Variants in ERGIC3 observed in about 807,000 individuals in gnomAD.
The protein encoded by ERGIC3 is ERGIC and golgi 3, also known as endoplasmic reticulum-Golgi intermediate compartment protein 3.
Under a neutral mutation model 54.7 loss-of-function variants are expected in ERGIC3, and 33 were observed. That is an observed-to-expected ratio of 0.60 (90% CI 0.46 to 0.81). The LOEUF is 0.81. ERGIC3 is among the 30% of genes least tolerant of loss of function. ERGIC3 has a pLI of 0.00. For synonymous variants in ERGIC3, 186 were observed against 189.8 expected (o/e 0.98, Z 0.16); for missense variants, 399 against 488.4 (o/e 0.82, Z 1.73).
At chr20:35,552,897 A>G (rs2064688695) in intron 7 of ERGIC3, among the ~76,000 whole-genome samples, 1 of 151,894 alleles carries the variant, frequency 6.6e-6, no homozygotes, top group Admixed American at 6.6e-5. Context: ...TACAGGAGAG[A>G]GTGACAGGCA....
In ERGIC3 at chr20:35,542,894, G is replaced by C. The variant is rs1230626660; in HGVS notation, c.320G>C (p.Arg107Pro). Reference sequence around the variant, plus strand: ...GTGGAACACAACCTGTTCAAGCAACGACTAGATAAAGATGGCATCCCCGTG... The same window carrying C: ...GTGGAACACAACCTGTTCAAGCAACCACTAGATAAAGATGGCATCCCCGTG... ...LDVEHNLFKQ[R>P]LDKDGIPVSS... The change falls in exon 4 of 13, where the codon CGA becomes CCA. Residue 107 changes from arginine to proline, a missense_variant. By Grantham distance (103) the Arg-to-Pro change is moderately radical. Coordinates refer to ENST00000348547, the MANE Select transcript of ERGIC3 (RefSeq NM_015966.3). The C allele has an allele frequency of 1.2e-6, 2 of 1,614,058 alleles. No homozygotes were observed. Among genetic ancestry groups the C allele is most frequent in the Non-Finnish European group, 1.7e-6 (2 of 1,180,020 alleles).
chr20:35,553,019 G>GTTTTTTTTTTTTT (rs2064689546), intron 7 of ERGIC3, among the ~76,000 whole-genome samples: 32 of 12,618 alleles, frequency 2.5e-3, no homozygotes, highest in East Asian at 8.5e-3. Context: ...CAAAGCTGGG[G>GTTTTTTTTTTTTT]ATTTTTTTTT....
chr20:35,544,312 C>T (rs1181979314), intron 4 of ERGIC3: 1 of 201,508 alleles, frequency 5.0e-6, no homozygotes, highest in African/African-American at 2.4e-5. Flanking sequence ...CCTCAGCCTT[C>T]CAAAGTGCTG....
At chr20:35,551,395 G>A (rs532962698) in intron 7 of ERGIC3, among the ~76,000 whole-genome samples, 4 of 152,240 alleles carry the variant, frequency 2.6e-5, no homozygotes, top group Non-Finnish European at 5.9e-5. Context: ...CTGGTATTCG[G>A]CTTTTGACGT....
chr20:35,551,669 G>A (rs2064682603), intron 7 of ERGIC3, among the ~76,000 whole-genome samples: 2 of 152,240 alleles, frequency 1.3e-5, no homozygotes, highest in African/African-American at 4.8e-5. Flanking sequence ...GGAGACTGGA[G>A]GAGGAGTGTA....
At position 35,547,396 on chromosome 20, in the gene ERGIC3, T is replaced by C. The variant is rs1428136760; in HGVS notation, c.368-16T>C. On this transcript the variant is annotated splice_polypyrimidine_tract_variant and intron_variant, in intron 4 of 12. Transcript: ENST00000348547. ...TCTGGCCCCAGCTGATGCCTCTGCT[T>C]CTCCCCTCCCCTTAGAGCTTGGGAA... The C allele has an allele frequency of 6.2e-7, 1 of 1,611,718 alleles. No homozygotes were observed. Among genetic ancestry groups the C allele is most frequent in the Non-Finnish European group, 8.5e-7 (1 of 1,177,824 alleles).
At position 35,542,095 on chromosome 20, in the gene ERGIC3, C is replaced by G; in HGVS notation, c.-3C>G. On this transcript the variant is annotated 5_prime_UTR_variant, in exon 1 of 13. Coordinates refer to ENST00000348547, the MANE Select transcript of ERGIC3 (RefSeq NM_015966.3). ...GCTGGCGTCCCCTTTCCGGCCGGTCCCCATGGAGGCGCTGGGGAAGCTGAA... is the reference window on the plus strand; with the variant it reads ...GCTGGCGTCCCCTTTCCGGCCGGTCGCCATGGAGGCGCTGGGGAAGCTGAA... 1 of 1,535,750 alleles carries G rather than the reference C, an allele frequency of 6.5e-7. No individual in the cohort carries two copies. Among genetic ancestry groups the G allele is most frequent in the African/African-American group, 1.4e-5 (1 of 72,614 alleles).
chr20:35,544,988 A>G (rs997484723), intron 4 of ERGIC3: 4 of 151,874 alleles, frequency 2.6e-5, no homozygotes, highest in Non-Finnish European at 5.9e-5. Flanking sequence ...TTTTTGGTAG[A>G]GACAGGGTTT....
intron 7 of ERGIC3, chr20:35,549,432 C>A: frequency 2.9e-6 from 1 of 350,266 alleles, no homozygotes. Flanking sequence ...TTCATTTGTT[C>A]ATTCATGCAT....
At chr20:35,555,940 C>T in intron 8 of ERGIC3, 93 bp from the exon 9 acceptor site, 2 of 1,202,266 alleles carry the variant, frequency 1.7e-6, no homozygotes, top group East Asian at 4.7e-5. Context: ...CATAGCCTCC[C>T]CTTCCTCCCA....
chr20:35,549,898 A>T (rs1377655484), intron 7 of ERGIC3: 2 of 152,206 alleles, frequency 1.3e-5, no homozygotes, highest in African/African-American at 4.8e-5. Flanking sequence ...CGGCCTCCCA[A>T]AGTGCTAGGA....
chr20:35,542,309 C>A lies in ERGIC3; in HGVS notation c.89-14C>A. 1 of 1,614,070 alleles carries A rather than the reference C, an allele frequency of 6.2e-7. No homozygotes were observed. The highest frequency in any genetic ancestry group is 1.1e-5 in the South Asian group (1 of 91,080). ...GATTCGAGGCCATTCTGACCCTCGC[C>A]CCTTGTCCTGCAGTGACCATTGTCA... On this transcript the variant is annotated splice_polypyrimidine_tract_variant and intron_variant, in intron 1 of 12. Coordinates refer to ENST00000348547, the MANE Select transcript of ERGIC3 (RefSeq NM_015966.3).
Position 35,551,295 on chromosome 20 carries a change from A to G in ERGIC3, c.685+2430A>G, listed in dbSNP as rs189102966. 8.1e-3 allele frequency among the ~76,000 whole-genome samples: 1,228 copies of G among 150,712 alleles called. 4 individuals are homozygous for G. The highest frequency in any genetic ancestry group is 0.013 in the Admixed American group (198 of 15,162). ...AGCGACAGAGTGAGATTCCATCTCCATTAAAAAAAAAAAAAAGGATAGAGT... is the reference window on the plus strand; with the variant it reads ...AGCGACAGAGTGAGATTCCATCTCCGTTAAAAAAAAAAAAAAGGATAGAGT... On this transcript the variant is annotated intron_variant, in intron 7 of 12. Coordinates refer to ENST00000348547, the MANE Select transcript of ERGIC3 (RefSeq NM_015966.3).
intron 7 of ERGIC3, among the ~76,000 whole-genome samples, chr20:35,551,199 T>C (rs544180947): frequency 1.0e-3 from 153 of 150,692 alleles, no homozygotes; most frequent in South Asian, 1.9e-3. Flanking sequence ...GAGGCTGAGG[T>C]AGGAGAATTG....
rs199935905 is a variant in ERGIC3 at position 35,548,546 on chromosome 20, C to T, written c.499C>T (p.Arg167Cys). The change falls in exon 6 of 13, where the codon CGC (arginine) becomes TGC (cysteine). Residue 167 changes from arginine (R) to cysteine (C), a missense_variant. Physicochemically the swap from Arg to Cys is radical, Grantham distance 180. Transcript: ENST00000348547. Reference sequence around the variant, plus strand: ...CTGTGAAGATGTGCGGGAGGCATATCGCCGTAGAGGCTGGGCCTTCAAGAA... The same window carrying T: ...CTGTGAAGATGTGCGGGAGGCATATTGCCGTAGAGGCTGGGCCTTCAAGAA... Reference protein sequence around the residue: ...NTCEDVREAYRRRGWAFKNPD... With the variant: ...NTCEDVREAYCRRGWAFKNPD... 5.6e-6 allele frequency: 9 copies of T among 1,614,180 alleles called. No homozygotes were observed. Among genetic ancestry groups the T allele is most frequent in the Admixed American group, 3.3e-5 (2 of 60,012 alleles).
chr20:35,548,178 A>G (rs1442062871), intron 5 of ERGIC3, among the ~76,000 whole-genome samples: 2 of 152,080 alleles, frequency 1.3e-5, no homozygotes, highest in Admixed American at 6.6e-5. Context: ...GGGAATATGT[A>G]TTTTTCACAG....
At position 35,547,521 on chromosome 20, in the gene ERGIC3, G is replaced by C; in HGVS notation, c.461+16G>C. 6.2e-7 allele frequency: 1 copy of C among 1,611,462 alleles called. No individual in the cohort carries two copies. Among genetic ancestry groups the C allele is most frequent in the Non-Finnish European group, 8.5e-7 (1 of 1,177,886 alleles). On this transcript the variant is annotated intron_variant, in intron 5 of 12. Coordinates refer to ENST00000348547, the MANE Select transcript of ERGIC3 (RefSeq NM_015966.3). ...AAGATATCAAGTGAGCTGGCGGGGA[G>C]CGGGAGCAGGGTTCCCATCAGGCGC...
At chr20:35,556,711 A>C (rs1398979091) in intron 10 of ERGIC3, 1 of 560,492 alleles carries the variant, frequency 1.8e-6, no homozygotes, top group African/African-American at 1.9e-5. Context: ...CTCAGCCTGG[A>C]CCCCCGTGAG....
intron 10 of ERGIC3, 33 bp from the exon 11 acceptor site, chr20:35,556,940 C>T (rs774398430): frequency 2.5e-5 from 40 of 1,613,400 alleles, no homozygotes; most frequent in Non-Finnish European, 3.1e-5. Context: ...GGTCCTAGCC[C>T]TAGCCCTGGC....
Sources: allele counts gnomAD v4.1 joint callset (sites outside exome capture counted in the v4.1 genomes callset), GRCh38; gene constraint gnomAD v4.1.1; transcripts MANE v1.5; gene names NCBI Gene and HGNC (gene_info 2026-07-23, HGNC 2026-07-21).